ADGRB3: variants seen among roughly 807,000 people sequenced by gnomAD.
ADGRB3 encodes the protein adhesion G protein-coupled receptor B3.
Under a neutral mutation model 193.4 loss-of-function variants are expected in ADGRB3, and 37 were observed. That is an observed-to-expected ratio of 0.19 (90% CI 0.15 to 0.25). ADGRB3 has a LOEUF of 0.25. Among genes scored for constraint, ADGRB3 ranks in the 10% least tolerant of loss-of-function variants. ADGRB3 has a pLI of 1.00. For synonymous variants in ADGRB3, 690 were observed against 644.2 expected (o/e 1.07, Z -1.08); for missense variants, 1,637 against 1,852.9 (o/e 0.88, Z 2.14).
chr6:68,867,811 GT>G (rs1360911575), intron 3 of ADGRB3, among the ~76,000 whole-genome samples: 1 of 152,138 alleles, frequency 6.6e-6, no homozygotes, highest in African/African-American at 2.4e-5. Flanking sequence ...GTCCTGCTGG[GT>G]TTCAGACTTG....
chr6:69,127,615 G>A (rs568260812), intron 17 of ADGRB3, among the ~76,000 whole-genome samples: 1 of 152,236 alleles, frequency 6.6e-6, no homozygotes, highest in East Asian at 1.9e-4. Flanking sequence ...TCAGTTTGAT[G>A]TACAAAACAT....
chr6:69,293,825 G>T (rs1357503474), intron 20 of ADGRB3, among the ~76,000 whole-genome samples: 1 of 152,130 alleles, frequency 6.6e-6, no homozygotes, highest in South Asian at 2.1e-4. Flanking sequence ...AGTCTGGAAG[G>T]GGGTGGGGGG....
rs61740387 is a variant in ADGRB3, at chr6:69,361,105, C to T, written c.3832C>T (p.Arg1278Trp). The stretch of plus-strand genomic sequence containing the variant: ...TTTGAAAAAAGAAAATAGTGAATTG[C>T]GGAGAACTGTGTACTTATGTACGGA... ...PCLKKENSEL[R>W]RTVYLCTDDN... The change falls in exon 29 of 32, where the codon CGG becomes TGG. Residue 1278 changes from arginine to tryptophan, a missense_variant. Arg to Trp is a moderately radical substitution (Grantham distance 101). Around this residue, in one of 7 missense-constraint regions of ADGRB3, gnomAD observed 368 missense variants for 367.4 expected, o/e 1.00. Transcript: ENST00000370598. 3.7e-6 allele frequency: 6 copies of T among 1,612,542 alleles called. No homozygotes were observed. The highest frequency in any genetic ancestry group is 3.4e-6 in the Non-Finnish European group (4 of 1,179,176).
rs182843957 is a variant in ADGRB3, at chr6:68,881,964, T to C, written c.758-48595T>C. Among the ~76,000 whole-genome samples the C allele has an allele frequency of 9.0e-4, 137 of 152,316 alleles. 1 individual carries two copies. The highest frequency in any genetic ancestry group is 3.0e-3 in the African/African-American group (124 of 41,580). The stretch of plus-strand genomic sequence containing the variant: ...TTTTATGTACACAGGTCTGTGACTA[T>C]AATAATCCATTCCTAATTGCTTATG... On this transcript the variant is annotated intron_variant, in intron 3 of 31. Transcript: ENST00000370598.
At chr6:69,165,093 AC>A (rs1371997849) in intron 17 of ADGRB3, among the ~76,000 whole-genome samples, 1 of 151,810 alleles carries the variant, frequency 6.6e-6, no homozygotes, top group Non-Finnish European at 1.5e-5. Flanking sequence ...CACTAGGAGG[AC>A]CTTTCTAAAG....
chr6:69,008,620 G>T (rs1324670920), intron 11 of ADGRB3, among the ~76,000 whole-genome samples: 1 of 152,112 alleles, frequency 6.6e-6, no homozygotes, highest in Non-Finnish European at 1.5e-5. Context: ...GCAGGGTAAG[G>T]GTAGTGATGC....
intron 10 of ADGRB3, among the ~76,000 whole-genome samples, chr6:68,987,258 A>C (rs980827302): frequency 4.6e-5 from 7 of 152,158 alleles, no homozygotes; most frequent in Admixed American, 2.6e-4. Context: ...CCCAAAGGAA[A>C]TGGAGTCCTT....
intron 13 of ADGRB3, among the ~76,000 whole-genome samples, chr6:69,031,037 CTCTCTTCTCTTCTCTTCTCT>C (rs749578717): frequency 0.033 from 1,218 of 36,504 alleles, 105 homozygotes; most frequent in East Asian, 0.11. Flanking sequence ...CTCTTCTCTT[CTCTCTTCTCTTCTCTTCTCT>C]TCTCTTCTCT....
intron 26 of ADGRB3, among the ~76,000 whole-genome samples, chr6:69,353,933 C>T (rs1291756929): frequency 6.6e-6 from 1 of 152,066 alleles, no homozygotes; most frequent in Non-Finnish European, 1.5e-5. Flanking sequence ...CGTGGTGGTG[C>T]ATGCCTGTAA....
chr6:69,328,256 T>C (rs1452939862), intron 22 of ADGRB3, among the ~76,000 whole-genome samples: 1 of 152,182 alleles, frequency 6.6e-6, no homozygotes, highest in Non-Finnish European at 1.5e-5. Flanking sequence ...GATGATAATG[T>C]GTATTGTTAT....
intron 3 of ADGRB3, among the ~76,000 whole-genome samples, chr6:68,783,287 C>T (rs1766894365): frequency 7.4e-6 from 1 of 134,276 alleles, no homozygotes; most frequent in South Asian, 2.4e-4. Context: ...ATATTGCCTC[C>T]CTAAATATAT....
intron 15 of ADGRB3, among the ~76,000 whole-genome samples, chr6:69,051,793 G>A (rs939406345): frequency 3.9e-5 from 6 of 152,172 alleles, no homozygotes; most frequent in African/African-American, 1.2e-4. Flanking sequence ...ACTGAGCAGC[G>A]TCCCTGCTAA....
At chr6:69,230,843 A>G (rs1766119251) in intron 17 of ADGRB3, among the ~76,000 whole-genome samples, 2 of 152,152 alleles carry the variant, frequency 1.3e-5, no homozygotes, top group South Asian at 4.1e-4. Flanking sequence ...TGTTTTATAT[A>G]TCTTCTTTTA....
At chr6:68,747,453 T>C (rs1766106868) in intron 3 of ADGRB3, among the ~76,000 whole-genome samples, 1 of 152,222 alleles carries the variant, frequency 6.6e-6, no homozygotes, top group Non-Finnish European at 1.5e-5. Context: ...CAGTCTGCAA[T>C]CAGATAGCAT....
At chr6:69,028,500 G>A (rs1770506848) in intron 13 of ADGRB3, among the ~76,000 whole-genome samples, 1 of 152,024 alleles carries the variant, frequency 6.6e-6, no homozygotes, top group African/African-American at 2.4e-5. Context: ...GGACTTTAAT[G>A]TCGAAAACAC....
At position 69,373,147 on chromosome 6, in the gene ADGRB3, G is replaced by C. The variant is rs12665426; in HGVS notation, c.4275+706G>C. ...CACATAAAATGTACTTATGTGTATTGATAATTGGATATGATTCATAGTCTG... is the reference window on the plus strand; with the variant it reads ...CACATAAAATGTACTTATGTGTATTCATAATTGGATATGATTCATAGTCTG... On this transcript the variant is annotated intron_variant, in intron 30 of 31. Transcript: ENST00000370598. 5.3e-5 allele frequency among the ~76,000 whole-genome samples: 8 copies of C among 151,928 alleles called. No individual in the cohort carries two copies. In the East Asian group the frequency reaches 1.4e-3, roughly 26 times the overall value.
intron 19 of ADGRB3, among the ~76,000 whole-genome samples, chr6:69,238,066 G>T (rs1766307227): frequency 6.6e-6 from 1 of 151,998 alleles, no homozygotes; most frequent in African/African-American, 2.4e-5. Flanking sequence ...AAACGTGGGG[G>T]TTCTACCTTG....
intron 3 of ADGRB3, among the ~76,000 whole-genome samples, chr6:68,925,650 C>G (rs1387428461): frequency 6.6e-6 from 1 of 151,928 alleles, no homozygotes; most frequent in African/African-American, 2.4e-5. Flanking sequence ...TTTATTTTCT[C>G]TTTGGAGACA....
intron 20 of ADGRB3, among the ~76,000 whole-genome samples, chr6:69,288,803 C>A (rs1478371135): frequency 6.6e-6 from 1 of 152,028 alleles, no homozygotes; most frequent in Non-Finnish European, 1.5e-5. Context: ...ACAGTGGAAT[C>A]TCTCTGTGTG....
Sources: allele counts gnomAD v4.1 joint callset (sites outside exome capture counted in the v4.1 genomes callset), GRCh38; gene constraint gnomAD v4.1.1; regional missense constraint gnomAD v4.1.1; transcripts MANE v1.5; gene names NCBI Gene and HGNC (gene_info 2026-07-23, HGNC 2026-07-21).